Variants in DST observed in about 807,000 individuals in gnomAD.
The protein encoded by DST is bullous pemphigoid antigen.
Under a neutral mutation model 875.2 loss-of-function variants are expected in DST, and 253 were observed. The observed-to-expected ratio is 0.29, with a 90% CI of 0.26 to 0.32. The LOEUF (loss-of-function observed/expected upper bound fraction) is 0.32. Ranked by LOEUF, DST falls within the 10% of genes least tolerant of loss-of-function variation. The probability of loss-of-function intolerance (pLI) is 1.00; values close to 1 mark genes in which losing one functional copy is unlikely to be tolerated. For synonymous variants in DST, 3,124 were observed against 3,197.1 expected, an observed-to-expected ratio of 0.98 and a Z score of 0.77; for missense variants, 8,287 against 9,111.6, an observed-to-expected ratio of 0.91 and a Z score of 3.68.
chr6:56,557,652 GTTAC>G, intron 58 of DST, 134 bp from the exon 59 acceptor site: 1 of 725,720 alleles, frequency 1.4e-6, no homozygotes, highest in Non-Finnish European at 2.2e-6. Flanking sequence ...TTGTTACATA[GTTAC>G]TTAAAGGACT....
intron 3 of DST, among the ~76,000 whole-genome samples, chr6:56,882,112 A>G (rs73459703): frequency 0.044 from 6,677 of 152,308 alleles, 510 homozygotes; most frequent in African/African-American, 0.15. Flanking sequence ...AGAAGGAGAA[A>G]AGGCTCAAAG....
At chr6:56,694,546 T>C (rs1276438165) in intron 9 of DST, among the ~76,000 whole-genome samples, 1 of 152,156 alleles carries the variant, frequency 6.6e-6, no homozygotes, top group Non-Finnish European at 1.5e-5. Flanking sequence ...ATTTTCAGTG[T>C]ATTCAAAGGT....
chr6:56,494,245 T>C (rs2095841390), intron 82 of DST, 65 bp from the exon 83 acceptor site: 1 of 1,459,992 alleles, frequency 6.8e-7, no homozygotes. Context: ...TCTATTTTTC[T>C]AGGTCATCAG....
At chr6:56,841,966 A>G (rs979176178) in intron 4 of DST, among the ~76,000 whole-genome samples, 1 of 152,234 alleles carries the variant, frequency 6.6e-6, no homozygotes, top group Non-Finnish European at 1.5e-5. Flanking sequence ...TGTACTGTTT[A>G]CAAAATTCTA....
At chr6:56,501,464 C>A in intron 79 of DST, 56 bp downstream of exon 79, 3 of 1,301,490 alleles carry the variant, frequency 2.3e-6, no homozygotes, top group Non-Finnish European at 3.1e-6. Context: ...AATTATTTTA[C>A]ATTAATATCT....
intron 17 of DST, among the ~76,000 whole-genome samples, chr6:56,641,407 C>T (rs759617183): frequency 1.3e-5 from 2 of 151,902 alleles, no homozygotes; most frequent in Non-Finnish European, 2.9e-5. Context: ...GCAAACATGG[C>T]AAAACCCTGC....
intron 4 of DST, among the ~76,000 whole-genome samples, chr6:56,756,233 G>A (rs1334857963): frequency 6.6e-6 from 1 of 152,062 alleles, no homozygotes; most frequent in Non-Finnish European, 1.5e-5. Context: ...AGACACAGAA[G>A]TGTCTGTGTG....
chr6:56,788,490 A>ATG (rs1326667145), intron 4 of DST, among the ~76,000 whole-genome samples: 1 of 152,124 alleles, frequency 6.6e-6, no homozygotes, highest in Non-Finnish European at 1.5e-5. Flanking sequence ...CCTAAGTATT[A>ATG]TGTTCTTTAT....
In DST at chr6:56,603,962, T is replaced by C; in HGVS notation, c.10666A>G (p.Thr3556Ala). 1 of 1,610,944 alleles carries C rather than the reference T, an allele frequency of 6.2e-7. No homozygotes were observed. Among genetic ancestry groups the C allele is most frequent in the Non-Finnish European group, 8.5e-7 (1 of 1,178,306 alleles). The change falls in exon 40 of 104, where the codon ACT (threonine) becomes GCT (alanine). Residue 3556 changes from threonine (T) to alanine (A), a missense_variant. By Grantham distance (58) the Thr-to-Ala change is moderately conservative (BLOSUM62 0). This residue lies in a region of DST where 3,138 missense variants were observed against 3,116.6 expected (regional missense o/e 1.01). Transcript: ENST00000680361. ...TVKEIGLESS[T>A]VWASTLPRDE... ...CTTGGCAATGTTGATGCCCACACAG[T>C]AGAGCTTTCTAGTCCAATTTCTTTT...
At chr6:56,831,782 T>G (rs911220080) in intron 4 of DST, among the ~76,000 whole-genome samples, 4 of 152,072 alleles carry the variant, frequency 2.6e-5, no homozygotes, top group African/African-American at 9.7e-5. Flanking sequence ...TCCCAGTTTT[T>G]CCAGGGAAAG....
chr6:56,867,349 T>C (rs1330247533), intron 3 of DST, among the ~76,000 whole-genome samples: 1 of 152,228 alleles, frequency 6.6e-6, no homozygotes, highest in African/African-American at 2.4e-5. Flanking sequence ...CCACTACTGT[T>C]AATATTGTTG....
At chr6:56,645,571 C>T (rs1041302390) in intron 15 of DST, among the ~76,000 whole-genome samples, 1 of 152,130 alleles carries the variant, frequency 6.6e-6, no homozygotes, top group Admixed American at 6.5e-5. Context: ...GCCCTGGTGA[C>T]TTAAGGTCAA....
intron 85 of DST, among the ~76,000 whole-genome samples, chr6:56,490,230 T>C (rs894321527): frequency 2.0e-5 from 3 of 152,152 alleles, no homozygotes; most frequent in African/African-American, 7.2e-5. Flanking sequence ...AGCCACAATA[T>C]TTGGGTTCTA....
At chr6:56,670,278 C>T (rs1010467654) in intron 10 of DST, among the ~76,000 whole-genome samples, 10 of 151,904 alleles carry the variant, frequency 6.6e-5, no homozygotes, top group Non-Finnish European at 1.3e-4. Context: ...ACTCAGGCTG[C>T]AGTGCAGTCA....
intron 3 of DST, among the ~76,000 whole-genome samples, chr6:56,883,540 G>C (rs575678295): frequency 6.6e-6 from 1 of 152,218 alleles, no homozygotes; most frequent in South Asian, 2.1e-4. Context: ...ATCTCAAAAT[G>C]TTATTAACAA....
intron 4 of DST, among the ~76,000 whole-genome samples, chr6:56,783,993 T>G (rs1564161159): frequency 2.6e-5 from 4 of 152,212 alleles, no homozygotes; most frequent in Admixed American, 2.0e-4. Context: ...AAGCTTAGTT[T>G]GGCTGGATAT....
chr6:56,499,949 A>T (rs1217742000), intron 80 of DST, among the ~76,000 whole-genome samples: 1 of 152,202 alleles, frequency 6.6e-6, no homozygotes, highest in Non-Finnish European at 1.5e-5. Context: ...ACAAGCTTCT[A>T]TGTCAACATT....
At chr6:56,679,438 C>T (rs1588413230) in intron 9 of DST, among the ~76,000 whole-genome samples, 1 of 151,948 alleles carries the variant, frequency 6.6e-6, no homozygotes, top group Admixed American at 6.6e-5. Context: ...AACTGGCCAG[C>T]TCTTTCACCC....
intron 36 of DST, 46 bp downstream of exon 36, chr6:56,624,484 T>C (rs765770845): frequency 1.1e-4 from 150 of 1,330,994 alleles, no homozygotes; most frequent in Non-Finnish European, 1.6e-4. Context: ...TTACTGCTCA[T>C]CTCTAGCTCC....
Sources: gnomAD v4.1 joint callset for allele counts (sites outside exome capture counted in the v4.1 genomes callset) on GRCh38, gnomAD v4.1.1 for gene constraint, gnomAD v4.1.1 regional missense constraint, MANE v1.5 for transcripts, NCBI Gene and HGNC (gene_info 2026-07-23, HGNC 2026-07-21) for gene names.